PTPRD: variants seen among roughly 807,000 people sequenced by gnomAD.
The protein encoded by PTPRD is protein tyrosine phosphatase receptor type D.
PTPRD carries 34 observed loss-of-function variants against 214.5 expected under a neutral mutation model. That is an observed-to-expected ratio of 0.16 (90% CI 0.12 to 0.21). The LOEUF is 0.21. Ranked by LOEUF, PTPRD falls within the 10% of genes least tolerant of loss-of-function variation. PTPRD has a pLI of 1.00. For missense variants in PTPRD, 2,545 were observed against 2,398.7 expected, an observed-to-expected ratio of 1.06 and a Z score of -1.27; for synonymous variants, 1,128 against 845.7, an observed-to-expected ratio of 1.33 and a Z score of -5.79.
intron 12 of PTPRD, among the ~76,000 whole-genome samples, chr9:8,718,477 T>A (rs561263221): frequency 6.6e-6 from 1 of 152,310 alleles, no homozygotes; most frequent in Non-Finnish European, 1.5e-5. Flanking sequence ...TTTGGATTAT[T>A]TCAGAAATAG....
At chr9:9,972,665 T>A (rs1367224282) in intron 4 of PTPRD, among the ~76,000 whole-genome samples, 2 of 152,182 alleles carry the variant, frequency 1.3e-5, no homozygotes, top group Admixed American at 1.3e-4. Flanking sequence ...TATGCTAAAG[T>A]CAAGGTGTCA....
chr9:9,609,856 A>C (rs1468187567), intron 7 of PTPRD, among the ~76,000 whole-genome samples: 1 of 152,232 alleles, frequency 6.6e-6, no homozygotes, highest in Non-Finnish European at 1.5e-5. Flanking sequence ...GCGTGTAAAA[A>C]ACACTGTGAA....
intron 14 of PTPRD, among the ~76,000 whole-genome samples, chr9:8,544,186 G>A (rs1388995010): frequency 2.9e-5 from 1 of 34,938 alleles, no homozygotes; most frequent in African/African-American, 1.2e-4. Context: ...TTTTTTTTTT[G>A]AGACAGAGTC....
rs115756301 is a variant in PTPRD, at chr9:8,476,309, C to T, written c.3414-5224G>A. ...ATAGGGTTCATGTTCCTGAGAGATT[C>T]TAATGCCACCACTGATCTGACAGGA... On this transcript the variant is annotated intron_variant, in intron 30 of 45. Coordinates refer to ENST00000381196, the MANE Select transcript of PTPRD (RefSeq NM_002839.4). 2.6e-3 allele frequency among the ~76,000 whole-genome samples: 397 copies of T among 152,294 alleles called. 2 individuals are homozygous for T. The highest frequency in any genetic ancestry group is 9.1e-3 in the African/African-American group (379 of 41,560).
At chr9:9,767,565 A>G (rs555448476) in intron 5 of PTPRD, among the ~76,000 whole-genome samples, 1 of 152,218 alleles carries the variant, frequency 6.6e-6, no homozygotes, top group African/African-American at 2.4e-5. Flanking sequence ...AGATTATCTA[A>G]ATCTGAGAAC....
At chr9:9,350,595 G>C (rs568971117) in intron 9 of PTPRD, among the ~76,000 whole-genome samples, 1 of 151,980 alleles carries the variant, frequency 6.6e-6, no homozygotes, top group East Asian at 1.9e-4. Context: ...TGTATACATT[G>C]GTCATAAATA....
chr9:9,183,054 A>G (rs1175525430), intron 10 of PTPRD, among the ~76,000 whole-genome samples: 3 of 152,086 alleles, frequency 2.0e-5, no homozygotes, highest in Non-Finnish European at 4.4e-5. Context: ...AACATCATAT[A>G]TAATTCAGAA....
At chr9:9,864,967 T>C (rs2153699080) in intron 5 of PTPRD, among the ~76,000 whole-genome samples, 1 of 152,300 alleles carries the variant, frequency 6.6e-6, no homozygotes, top group African/African-American at 2.4e-5. Flanking sequence ...TTATGGTGTA[T>C]ATTATAGATT....
intron 34 of PTPRD, among the ~76,000 whole-genome samples, chr9:8,448,686 T>C (rs1327189337): frequency 6.6e-6 from 1 of 152,210 alleles, no homozygotes; most frequent in Non-Finnish European, 1.5e-5. Context: ...TTTCTTTCAA[T>C]TGAAGAGTTA....
intron 11 of PTPRD, among the ~76,000 whole-genome samples, chr9:8,957,213 C>T (rs2099135929): frequency 1.3e-5 from 2 of 151,806 alleles, no homozygotes; most frequent in Non-Finnish European, 2.9e-5. Context: ...TAACTTTCAT[C>T]CTTTTATTAT....
intron 5 of PTPRD, among the ~76,000 whole-genome samples, chr9:9,888,203 G>C (rs1775148913): frequency 6.6e-6 from 1 of 152,142 alleles, no homozygotes; most frequent in Non-Finnish European, 1.5e-5. Flanking sequence ...ATTCTGAGAT[G>C]TTATGGAGGA....
chr9:9,841,832 T>A (rs1287567460), intron 5 of PTPRD, among the ~76,000 whole-genome samples: 3 of 152,160 alleles, frequency 2.0e-5, no homozygotes, highest in Admixed American at 2.0e-4. Flanking sequence ...GGTTAAATAC[T>A]AGCATAAATA....
chr9:9,804,260 A>T (rs2099059614), intron 5 of PTPRD, among the ~76,000 whole-genome samples: 1 of 152,082 alleles, frequency 6.6e-6, no homozygotes, highest in African/African-American at 2.4e-5. Flanking sequence ...TTATATAATC[A>T]TGCAATATTT....
chr9:9,812,781 G>C (rs915899109), intron 5 of PTPRD, among the ~76,000 whole-genome samples: 1 of 152,054 alleles, frequency 6.6e-6, no homozygotes, highest in Admixed American at 6.6e-5. Flanking sequence ...ATATCAAATG[G>C]ACCTTGGAGA....
intron 12 of PTPRD, among the ~76,000 whole-genome samples, chr9:8,708,243 G>C (rs547408736): frequency 6.6e-6 from 1 of 152,182 alleles, no homozygotes. Context: ...ATGTCTGTTA[G>C]AGTGGTTGTT....
intron 3 of PTPRD, among the ~76,000 whole-genome samples, chr9:10,254,752 G>A (rs1415741083): frequency 1.3e-5 from 2 of 152,092 alleles, no homozygotes; most frequent in African/African-American, 2.4e-5. Context: ...TTTCTGTCCT[G>A]CTCAGGGGTC....
chr9:8,911,413 TG>T (rs879847231), intron 11 of PTPRD, among the ~76,000 whole-genome samples: 132 of 125,228 alleles, frequency 1.1e-3, no homozygotes, highest in Non-Finnish European at 1.6e-3. Context: ...TGTGTGTGTG[TG>T]TTGTGTGTGT....
chr9:8,657,140 G>GTGTC (rs1438960047), intron 12 of PTPRD, among the ~76,000 whole-genome samples: 1 of 149,964 alleles, frequency 6.7e-6, no homozygotes, highest in African/African-American at 2.4e-5. Context: ...CTTTTGAGAA[G>GTGTC]TGTCTGTTCA....
intron 2 of PTPRD, among the ~76,000 whole-genome samples, chr9:10,363,768 T>G (rs1018813879): frequency 1.4e-5 from 2 of 144,370 alleles, no homozygotes; most frequent in Non-Finnish European, 3.2e-5. Flanking sequence ...CCCTTATGGG[T>G]TTTTTTGCAA....
Sources: gnomAD v4.1 joint callset for allele counts (sites outside exome capture counted in the v4.1 genomes callset) on GRCh38, gnomAD v4.1.1 for gene constraint, MANE v1.5 for transcripts, NCBI Gene and HGNC (gene_info 2026-07-23, HGNC 2026-07-21) for gene names.